Variants in RAD51B observed in about 807,000 individuals in gnomAD.
RAD51B encodes RAD51 paralog B.
RAD51B carries 38 observed loss-of-function variants against 42.2 expected under a neutral mutation model. The observed-to-expected ratio is 0.90, with a 90% CI of 0.70 to 1.18. The LOEUF is 1.18. Among genes scored for constraint, RAD51B ranks in the 50% most tolerant of loss-of-function variants. The pLI is 0.00. For synonymous variants in RAD51B, 154 were observed against 145.2 expected (o/e 1.06, Z -0.43); for missense variants, 373 against 400.7 (o/e 0.93, Z 0.59).
intron 7 of RAD51B, among the ~76,000 whole-genome samples, chr14:68,208,764 C>T (rs1056392128): frequency 6.6e-6 from 1 of 152,162 alleles, no homozygotes; most frequent in African/African-American, 2.4e-5. Flanking sequence ...TCTGTGGCTG[C>T]ACCATACATT....
At chr14:68,618,596 C>G (rs1891874843) in intron 10 of RAD51B, among the ~76,000 whole-genome samples, 1 of 152,154 alleles carries the variant, frequency 6.6e-6, no homozygotes, top group South Asian at 2.1e-4. Context: ...TCATTAAATT[C>G]TCCTCTTTTT....
chr14:67,916,264 A>G (rs562348090), intron 7 of RAD51B, among the ~76,000 whole-genome samples: 21 of 150,098 alleles, frequency 1.4e-4, no homozygotes, highest in Non-Finnish European at 2.6e-4. Flanking sequence ...AATTTACTTA[A>G]AGTATTTTTT....
chr14:68,100,281 G>T (rs577768361), intron 7 of RAD51B, among the ~76,000 whole-genome samples: 1 of 152,198 alleles, frequency 6.6e-6, no homozygotes, highest in Admixed American at 6.5e-5. Context: ...ATACTCATGT[G>T]CCTGTGGAAC....
At chr14:68,367,689 A>T (rs539443311) in intron 8 of RAD51B, among the ~76,000 whole-genome samples, 2 of 152,350 alleles carry the variant, frequency 1.3e-5, no homozygotes, top group East Asian at 3.9e-4. Context: ...CACTTGAAAT[A>T]GTTACCCAGA....
At position 68,565,372 on chromosome 14, in the gene RAD51B, C is replaced by G. The variant is rs550614760; in HGVS notation, c.1037-29113C>G. ...ACTTAGAGGTGTTTGTTCAATAATG[C>G]GAGGAGACTCATTACAACCCTGGGG... On this transcript the variant is annotated intron_variant, in intron 10 of 10. Coordinates refer to the RAD51B transcript ENST00000487270. The surrounding 1 kb of genome is among the most constrained non-coding windows in gnomAD (Gnocchi z 4.1). Among the ~76,000 whole-genome samples the G allele has an allele frequency of 6.6e-6, 1 of 152,260 alleles. No homozygotes were observed. The highest frequency in any genetic ancestry group is 1.9e-4 in the East Asian group (1 of 5,176).
chr14:68,123,495 A>G (rs1260954160), intron 7 of RAD51B, among the ~76,000 whole-genome samples: 3 of 152,020 alleles, frequency 2.0e-5, no homozygotes, highest in Non-Finnish European at 2.9e-5. Context: ...CCTGGACAGG[A>G]ACTTAGTCTT....
chr14:68,478,110 A>G, downstream of RAD51B: 1 of 1,041,352 alleles, frequency 9.6e-7, no homozygotes, highest in African/African-American at 1.7e-5. Flanking sequence ...GAGTAGGTGT[A>G]AAGGAATTGG....
At chr14:68,658,247 A>G (rs118009104) in intron 11 of RAD51B, among the ~76,000 whole-genome samples, 314 of 152,334 alleles carry the variant, frequency 2.1e-3, no homozygotes, top group Non-Finnish European at 3.4e-3. Context: ...CCTCTGAGCC[A>G]GCCACCCTGG....
intron 8 of RAD51B, among the ~76,000 whole-genome samples, chr14:68,395,110 C>T (rs776829503): frequency 5.9e-5 from 9 of 152,156 alleles, no homozygotes; most frequent in African/African-American, 2.2e-4. Context: ...TCCCTTTCAC[C>T]TCTCTGGACA....
chr14:67,884,854 G>A (rs956521777), intron 5 of RAD51B, among the ~76,000 whole-genome samples: 1 of 151,988 alleles, frequency 6.6e-6, no homozygotes, highest in African/African-American at 2.4e-5. Context: ...CTCTTTTCCT[G>A]TTTTGGGCTT....
intron 7 of RAD51B, among the ~76,000 whole-genome samples, chr14:67,925,678 C>T (rs897447171): frequency 6.6e-6 from 1 of 152,194 alleles, no homozygotes; most frequent in Non-Finnish European, 1.5e-5. Context: ...TCCACATTTC[C>T]TTTCTGCAGA....
chr14:68,082,260 G>A (rs1309573973), intron 7 of RAD51B, among the ~76,000 whole-genome samples: 3 of 151,952 alleles, frequency 2.0e-5, no homozygotes, highest in Non-Finnish European at 2.9e-5. Context: ...GCGCCCGGCC[G>A]CAAATAATAT....
chr14:68,510,859 A>C (rs562977005), intron 10 of RAD51B, among the ~76,000 whole-genome samples: 1 of 152,232 alleles, frequency 6.6e-6, no homozygotes, highest in Non-Finnish European at 1.5e-5. Flanking sequence ...AAGCCCCTGC[A>C]TTTGTAGCTG....
chr14:67,874,422 A>ATT (rs35854324), intron 5 of RAD51B, among the ~76,000 whole-genome samples: 45 of 149,310 alleles, frequency 3.0e-4, no homozygotes, highest in Non-Finnish European at 4.5e-4. Context: ...TTTTTTTGTG[A>ATT]TTTTTTTTTT....
At chr14:68,340,754 C>T (rs911374358) in intron 8 of RAD51B, among the ~76,000 whole-genome samples, 1 of 152,222 alleles carries the variant, frequency 6.6e-6, no homozygotes, top group African/African-American at 2.4e-5. Context: ...GGGAGGTTTT[C>T]CCTAGGCTCC....
At chr14:67,929,174 A>G (rs774556833) in intron 7 of RAD51B, among the ~76,000 whole-genome samples, 3 of 151,730 alleles carry the variant, frequency 2.0e-5, no homozygotes, top group Non-Finnish European at 4.4e-5. Context: ...TTTGAGGTGC[A>G]TGGTTAGATT....
chr14:68,086,405 G>A (rs1007333773), intron 7 of RAD51B, among the ~76,000 whole-genome samples: 1 of 152,170 alleles, frequency 6.6e-6, no homozygotes, highest in African/African-American at 2.4e-5. Flanking sequence ...ACAGGATGGG[G>A]GGCGTGATGG....
At chr14:68,153,888 T>A (rs1345598611) in intron 7 of RAD51B, among the ~76,000 whole-genome samples, 3 of 152,240 alleles carry the variant, frequency 2.0e-5, no homozygotes, top group Non-Finnish European at 4.4e-5. Flanking sequence ...TTATTGAGTG[T>A]ATTCCCTAAG....
At chr14:68,143,662 A>G (rs1299128046) in intron 7 of RAD51B, among the ~76,000 whole-genome samples, 1 of 152,194 alleles carries the variant, frequency 6.6e-6, no homozygotes, top group Non-Finnish European at 1.5e-5. Context: ...TTTTGGCTAC[A>G]CTTCTATTTA....
Sources: gnomAD v4.1 joint callset for allele counts (sites outside exome capture counted in the v4.1 genomes callset) on GRCh38, gnomAD v4.1.1 for gene constraint, Gnocchi (gnomAD v3.1) non-coding constraint, MANE v1.5 for transcripts, NCBI Gene and HGNC (gene_info 2026-07-23, HGNC 2026-07-21) for gene names.